Variants in KLHL3 observed in about 807,000 individuals in gnomAD.
KLHL3 encodes the protein kelch like family member 3.
In KLHL3, 19 loss-of-function variants were observed where a neutral mutation model predicts 70.5. That is an observed-to-expected ratio of 0.27 (90% CI 0.19 to 0.40). The LOEUF (loss-of-function observed/expected upper bound fraction) is 0.40, where lower values mean the gene tolerates loss of function less well. Ranked by LOEUF, KLHL3 falls within the 10% of genes least tolerant of loss-of-function variation. The pLI, the probability that KLHL3 is intolerant of heterozygous loss-of-function variation, is 1.00. For missense variants in KLHL3, 512 were observed against 771.1 expected, an observed-to-expected ratio of 0.66 and a Z score of 3.98; for synonymous variants, 258 against 290.3, an observed-to-expected ratio of 0.89 and a Z score of 1.13.
At position 137,639,018 on chromosome 5, in the gene KLHL3, C is replaced by T; in HGVS notation, c.1154G>A (p.Ser385Asn). 6.2e-7 allele frequency: 1 copy of T among 1,614,188 alleles called. No homozygotes were observed. The highest frequency in any genetic ancestry group is 8.5e-7 in the Non-Finnish European group (1 of 1,180,012). Residue 385 changes from serine (S) to asparagine (N), a missense_variant, in exon 10 of 15, where the codon AGC (serine) becomes AAC (asparagine). Physicochemically the swap from Ser to Asn is conservative, Grantham distance 46. Transcript: ENST00000309755. This position sits in a 1 kb window ranked among gnomAD's most constrained non-coding sequence, Gnocchi z 5.0. ...TSIASMQERR[S>N]TLGAAVLNDL... ...ATTGAGCACCGCTGCGCCCAGTGTG[C>T]TCCGGCGCTCCTGCATGCTGGCAAT...
intron 13 of KLHL3, among the ~76,000 whole-genome samples, chr5:137,627,120 A>T (rs1251542914): frequency 6.6e-6 from 1 of 152,214 alleles, no homozygotes; most frequent in Non-Finnish European, 1.5e-5. Context: ...GAAAAGATGG[A>T]AATAACCTGT....
intron 6 of KLHL3, among the ~76,000 whole-genome samples, chr5:137,669,028 C>T (rs895530957): frequency 1.3e-5 from 2 of 152,090 alleles, no homozygotes; most frequent in African/African-American, 4.8e-5. Context: ...AAAGCTCTTT[C>T]TTGTAGTTGC....
intron 7 of KLHL3, among the ~76,000 whole-genome samples, chr5:137,659,991 C>T (rs1171943257): frequency 6.6e-6 from 1 of 152,166 alleles, no homozygotes; most frequent in African/African-American, 2.4e-5. Flanking sequence ...AGGGCTTTCC[C>T]TTCCTTCTCC....
intron 10 of KLHL3, 47 bp from the exon 11 acceptor site, chr5:137,637,442 C>T: frequency 6.5e-7 from 1 of 1,548,620 alleles, no homozygotes; most frequent in Non-Finnish European, 8.9e-7. Context: ...CAGGCCTCAC[C>T]CTGCTGTGTG....
intron 3 of KLHL3, among the ~76,000 whole-genome samples, chr5:137,699,900 G>C (rs576515608): frequency 1.3e-5 from 2 of 152,202 alleles, no homozygotes; most frequent in East Asian, 1.9e-4. Context: ...CAAGCTGCAC[G>C]GACTGCACAT....
intron 5 of KLHL3, among the ~76,000 whole-genome samples, chr5:137,687,073 G>A (rs1580761454): frequency 2.9e-5 from 3 of 104,810 alleles, no homozygotes; most frequent in Non-Finnish European, 6.3e-5. Flanking sequence ...GGGAGGTGGG[G>A]GGGGTCAGCC....
chr5:137,709,474 C>G (rs1317411336), intron 3 of KLHL3, among the ~76,000 whole-genome samples: 1 of 152,220 alleles, frequency 6.6e-6, no homozygotes, highest in Non-Finnish European at 1.5e-5. Flanking sequence ...CAAGCTCCCC[C>G]ACATGATTAT....
chr5:137,640,020 C>G, intron 8 of KLHL3, 43 bp from the exon 9 acceptor site: 2 of 1,538,766 alleles, frequency 1.3e-6, no homozygotes, highest in Non-Finnish European at 1.8e-6. Context: ...ACCCCAAAAT[C>G]TGGATTTATG....
At chr5:137,678,885 T>C (rs963838263) in intron 5 of KLHL3, among the ~76,000 whole-genome samples, 2 of 152,088 alleles carry the variant, frequency 1.3e-5, no homozygotes, top group South Asian at 2.1e-4. Flanking sequence ...CAACTAAAGG[T>C]TGTCCATCTT....
intron 5 of KLHL3, among the ~76,000 whole-genome samples, chr5:137,680,926 C>G (rs532467102): frequency 6.6e-6 from 1 of 152,018 alleles, no homozygotes; most frequent in African/African-American, 2.4e-5. Context: ...ATAATCCTAA[C>G]AGTTTAGAAG....
At chr5:137,632,727 CA>C in intron 12 of KLHL3, among the ~76,000 whole-genome samples, 1 of 152,138 alleles carries the variant, frequency 6.6e-6, no homozygotes, top group East Asian at 1.9e-4. Context: ...AGTCAACCTA[CA>C]GAATGGGAGA....
intron 5 of KLHL3, among the ~76,000 whole-genome samples, chr5:137,688,403 G>C (rs568847424): frequency 3.9e-5 from 6 of 152,182 alleles, no homozygotes; most frequent in African/African-American, 7.2e-5. Context: ...GAAGTCACCC[G>C]ACAGGGAAGA....
At chr5:137,657,396 C>T (rs1209017272) in intron 8 of KLHL3, among the ~76,000 whole-genome samples, 2 of 152,170 alleles carry the variant, frequency 1.3e-5, no homozygotes, top group Non-Finnish European at 2.9e-5. Context: ...TACTTTGGTG[C>T]CACACCAGAC....
intron 1 of KLHL3, chr5:137,724,976 A>C: frequency 4.5e-6 from 4 of 883,680 alleles, no homozygotes; most frequent in Non-Finnish European, 5.4e-6. Context: ...ACACATATAC[A>C]TATGTCTCAA....
chr5:137,686,821 C>A (rs970375799), intron 5 of KLHL3, among the ~76,000 whole-genome samples: 8 of 152,236 alleles, frequency 5.3e-5, no homozygotes, highest in African/African-American at 1.9e-4. Context: ...CCTTCATTCC[C>A]TTCTTCTAAC....
chr5:137,714,834 T>C (rs542931922), intron 2 of KLHL3, among the ~76,000 whole-genome samples: 1 of 151,992 alleles, frequency 6.6e-6, no homozygotes, highest in Non-Finnish European at 1.5e-5. Flanking sequence ...CAGAAAGCAA[T>C]ATGCTAAGAT....
chr5:137,697,998 T>C (rs1250358190), intron 4 of KLHL3, among the ~76,000 whole-genome samples: 1 of 152,210 alleles, frequency 6.6e-6, no homozygotes, highest in Non-Finnish European at 1.5e-5. Context: ...TCACAAGATT[T>C]TGAAGACATG....
intron 8 of KLHL3, among the ~76,000 whole-genome samples, chr5:137,654,703 T>C (rs1002255426): frequency 9.9e-5 from 15 of 152,228 alleles, no homozygotes; most frequent in African/African-American, 3.4e-4. Context: ...TCTTCTTTCT[T>C]TCTTTCTTTA....
chr5:137,700,203 T>C (rs1256654564), intron 3 of KLHL3, among the ~76,000 whole-genome samples: 1 of 152,222 alleles, frequency 6.6e-6, no homozygotes, highest in Non-Finnish European at 1.5e-5. Flanking sequence ...CTCTTGAGTT[T>C]ATTGAGACAC....
Sources: gnomAD v4.1 joint callset for allele counts (sites outside exome capture counted in the v4.1 genomes callset) on GRCh38, gnomAD v4.1.1 for gene constraint, Gnocchi (gnomAD v3.1) non-coding constraint, MANE v1.5 for transcripts, NCBI Gene and HGNC (gene_info 2026-07-23, HGNC 2026-07-21) for gene names.